PPP3CA: variants seen among roughly 807,000 people sequenced by gnomAD.
PPP3CA encodes the protein CAM-PRP catalytic subunit.
In PPP3CA, 14 loss-of-function variants were observed where a neutral mutation model predicts 66.5. That is an observed-to-expected ratio of 0.21 (90% CI 0.14 to 0.33). The LOEUF (loss-of-function observed/expected upper bound fraction) is 0.33. Among genes scored for constraint, PPP3CA ranks in the 10% least tolerant of loss-of-function variants. The probability of loss-of-function intolerance (pLI) is 1.00; values close to 1 mark genes in which losing one functional copy is unlikely to be tolerated. For synonymous variants in PPP3CA, 232 were observed against 226.2 expected, an observed-to-expected ratio of 1.03 and a Z score of -0.23; for missense variants, 317 against 639.5, an observed-to-expected ratio of 0.50 and a Z score of 5.44.
chr4:101,281,679 A>C (rs1283066040), intron 1 of PPP3CA, among the ~76,000 whole-genome samples: 3 of 152,228 alleles, frequency 2.0e-5, no homozygotes, highest in Non-Finnish European at 4.4e-5. Flanking sequence ...GTGGTTAAAC[A>C]TTCAGCATCC....
intron 2 of PPP3CA, among the ~76,000 whole-genome samples, chr4:101,155,418 C>CT (rs539673042): frequency 4.9e-4 from 74 of 152,280 alleles, no homozygotes; most frequent in African/African-American, 1.7e-3. Context: ...CATCTGAGGC[C>CT]TTGGATTGGC....
intron 1 of PPP3CA, among the ~76,000 whole-genome samples, chr4:101,345,524 C>A (rs952750512): frequency 6.6e-6 from 1 of 152,176 alleles, no homozygotes; most frequent in Non-Finnish European, 1.5e-5. Context: ...GAGGCCCGCT[C>A]CCCGCACAGC....
intron 1 of PPP3CA, among the ~76,000 whole-genome samples, chr4:101,200,753 A>G (rs1724943304): frequency 6.6e-6 from 1 of 151,952 alleles, no homozygotes; most frequent in African/African-American, 2.4e-5. Context: ...AAACTAGAAA[A>G]CTCCCAATCA....
intron 10 of PPP3CA, among the ~76,000 whole-genome samples, chr4:101,055,466 T>G (rs1728186219): frequency 6.6e-6 from 1 of 152,112 alleles, no homozygotes; most frequent in Admixed American, 6.6e-5. Flanking sequence ...ACATATAAAT[T>G]AGATCATCAA....
rs1730120686 is a variant in PPP3CA at position 101,094,809 on chromosome 4, A to T, written c.643-894T>A. 2.0e-5 allele frequency among the ~76,000 whole-genome samples: 3 copies of T among 152,188 alleles called. No homozygotes were observed. The South Asian group carries it at 6.2e-4, about 31-fold the overall frequency. ...TAAACACTTTAGTTTATCCTGATTTAACTGCAATTAAAGGATCTTTGGTGA... is the reference window on the plus strand; with the variant it reads ...TAAACACTTTAGTTTATCCTGATTTTACTGCAATTAAAGGATCTTTGGTGA... On this transcript the variant is annotated intron_variant, in intron 5 of 13. Transcript: ENST00000394854.
At chr4:101,303,758 C>T (rs186145701) in intron 1 of PPP3CA, among the ~76,000 whole-genome samples, 48 of 152,228 alleles carry the variant, frequency 3.2e-4, no homozygotes, top group Admixed American at 2.5e-3. Flanking sequence ...ACCTTGTTAT[C>T]GTGAGTACAT....
intron 10 of PPP3CA, among the ~76,000 whole-genome samples, chr4:101,045,655 CG>C (rs1252471719): frequency 6.6e-6 from 1 of 151,982 alleles, no homozygotes. Context: ...TGAGTAAACG[CG>C]GAAGATGGTA....
Position 101,029,150 on chromosome 4 carries a change from G to C in PPP3CA, c.1369+16C>G. ...ATCTGTTGCAGGTACAACAGAAAGGGGACTGGCCAATTTACCTTCATCAGC... is the reference window on the plus strand; with the variant it reads ...ATCTGTTGCAGGTACAACAGAAAGGCGACTGGCCAATTTACCTTCATCAGC... On this transcript the variant is annotated intron_variant, in intron 13 of 13. Coordinates refer to ENST00000394854, the MANE Select transcript of PPP3CA (RefSeq NM_000944.5). The C allele has an allele frequency of 6.3e-7, 1 of 1,589,072 alleles. No homozygotes were observed. Among genetic ancestry groups the C allele is most frequent in the Non-Finnish European group, 8.6e-7 (1 of 1,157,580 alleles).
chr4:101,342,140 AT>A (rs1361740880), intron 1 of PPP3CA, among the ~76,000 whole-genome samples: 1 of 152,212 alleles, frequency 6.6e-6, no homozygotes, highest in Non-Finnish European at 1.5e-5. Flanking sequence ...TAAAAGGCAT[AT>A]TTTTAAACAA....
chr4:101,066,436 C>T (rs796973066), intron 8 of PPP3CA, among the ~76,000 whole-genome samples: 9 of 152,172 alleles, frequency 5.9e-5, no homozygotes, highest in African/African-American at 1.9e-4. Flanking sequence ...ACAAACTTCA[C>T]TGTTAACAAT....
intron 6 of PPP3CA, among the ~76,000 whole-genome samples, chr4:101,084,201 C>T (rs1422136456): frequency 6.6e-6 from 1 of 152,106 alleles, no homozygotes; most frequent in Non-Finnish European, 1.5e-5. Flanking sequence ...CCATTGAAAA[C>T]ATTCATCAAT....
chr4:101,127,551 T>C (rs143296872), intron 2 of PPP3CA, among the ~76,000 whole-genome samples: 39 of 152,268 alleles, frequency 2.6e-4, no homozygotes, highest in African/African-American at 8.7e-4. Context: ...GGCAAGGATC[T>C]ACTTCTAGAG....
At chr4:101,282,480 C>A (rs760652355) in intron 1 of PPP3CA, among the ~76,000 whole-genome samples, 1 of 152,150 alleles carries the variant, frequency 6.6e-6, no homozygotes, top group African/African-American at 2.4e-5. Flanking sequence ...TAAATGACAG[C>A]GCAGTCAGCA....
At chr4:101,093,420 AG>A (rs1730047251) in intron 6 of PPP3CA, among the ~76,000 whole-genome samples, 1 of 140,382 alleles carries the variant, frequency 7.1e-6, no homozygotes, top group Admixed American at 6.9e-5. Flanking sequence ...TTTTTTTTTT[AG>A]ATACAATGCT....
chr4:101,083,274 C>T lies in PPP3CA; in HGVS notation c.783-11G>A, dbSNP rs773838239. The T allele has an allele frequency of 1.2e-6, 2 of 1,603,424 alleles. No individual in the cohort carries two copies. Among genetic ancestry groups the T allele is most frequent in the East Asian group, 4.5e-5 (2 of 44,526 alleles). On this transcript the variant is annotated splice_polypyrimidine_tract_variant and intron_variant, in intron 6 of 13. Transcript: ENST00000394854. The stretch of plus-strand genomic sequence containing the variant: ...CATACAGCCGGGTAACTGCCAGAGA[C>T]AAAAAGAAAAGGGAAGCATCTGTTA...
chr4:101,073,460 A>G (rs537729543), intron 8 of PPP3CA, among the ~76,000 whole-genome samples: 1 of 152,056 alleles, frequency 6.6e-6, no homozygotes, highest in Admixed American at 6.5e-5. Flanking sequence ...TATGTTTAGT[A>G]CAGACGGGGT....
intron 2 of PPP3CA, among the ~76,000 whole-genome samples, chr4:101,182,322 T>C (rs1193396060): frequency 6.6e-6 from 1 of 152,096 alleles, no homozygotes; most frequent in Non-Finnish European, 1.5e-5. Context: ...TAATAAACAT[T>C]AAATAAAACA....
chr4:101,191,521 C>T (rs1252549258), intron 2 of PPP3CA, among the ~76,000 whole-genome samples: 1 of 152,302 alleles, frequency 6.6e-6, no homozygotes, highest in East Asian at 1.9e-4. Flanking sequence ...AGGTCTCTGG[C>T]TGCAGGACAG....
chr4:101,180,294 C>T lies in PPP3CA; in HGVS notation c.259+15622G>A, dbSNP rs550045825. Among the ~76,000 whole-genome samples, 15 of 152,172 alleles carry T rather than the reference C, an allele frequency of 9.9e-5. No individual in the cohort carries two copies. The South Asian group carries it at 2.9e-3, about 29-fold the overall frequency. On this transcript the variant is annotated intron_variant, in intron 2 of 13. Coordinates refer to ENST00000394854, the MANE Select transcript of PPP3CA (RefSeq NM_000944.5). ...AATTGTAGTATCATCCAATTTGGCACCCATAATTAACAAGTGGGTTCTACT... is the reference window on the plus strand; with the variant it reads ...AATTGTAGTATCATCCAATTTGGCATCCATAATTAACAAGTGGGTTCTACT...
Sources: gnomAD v4.1 joint callset for allele counts (sites outside exome capture counted in the v4.1 genomes callset) on GRCh38, gnomAD v4.1.1 for gene constraint, MANE v1.5 for transcripts, NCBI Gene and HGNC (gene_info 2026-07-23, HGNC 2026-07-21) for gene names.